SLC1A4: variants seen among roughly 807,000 people sequenced by gnomAD.
SLC1A4 encodes neutral amino acid transporter A.
Under a neutral mutation model 37.7 loss-of-function variants are expected in SLC1A4, and 19 were observed. The observed-to-expected ratio is 0.50, with a 90% CI of 0.35 to 0.74. The LOEUF (loss-of-function observed/expected upper bound fraction) is 0.74, where lower values mean the gene tolerates loss of function less well. Ranked by LOEUF, SLC1A4 falls within the 30% of genes least tolerant of loss-of-function variation. The pLI is 0.01. For missense variants in SLC1A4, 570 were observed against 712.9 expected, an observed-to-expected ratio of 0.80 and a Z score of 2.28; for synonymous variants, 299 against 309.8, an observed-to-expected ratio of 0.97 and a Z score of 0.37.
At chr2:64,991,593 T>TTTTTG (rs1553370740) in intron 1 of SLC1A4, among the ~76,000 whole-genome samples, 22,135 of 143,396 alleles carry the variant, frequency 0.15, 2,070 homozygotes, top group African/African-American at 0.27. Flanking sequence ...ACACCCAGCT[T>TTTTTG]TTTGTTTGTT....
chr2:65,015,581 G>A (rs182581903), intron 4 of SLC1A4, among the ~76,000 whole-genome samples: 62 of 152,092 alleles, frequency 4.1e-4, no homozygotes, highest in African/African-American at 1.4e-3. Context: ...TATTACTATC[G>A]GGTTTTTAAT....
chr2:65,021,466 T>C lies in SLC1A4; in HGVS notation c.*320T>C, dbSNP rs1430217316. 3.0e-6 allele frequency: 1 copy of C among 331,686 alleles called. No individual in the cohort carries two copies. The highest frequency in any genetic ancestry group is 4.5e-5 in the Admixed American group (1 of 22,234). 20.5% of individuals were successfully genotyped at this position (331,686 alleles called of 1,614,324 possible). A position where few individuals can be genotyped will look rare whatever the true frequency, so the allele number is the denominator to read the frequency against. The stretch of plus-strand genomic sequence containing the variant: ...CATGGACTCACAGGGTCCTGTGTGG[T>C]TACATCTTGGAAAAAATGCAGATGT... On this transcript the variant is annotated 3_prime_UTR_variant, in exon 8 of 8. Coordinates refer to ENST00000234256, the MANE Select transcript of SLC1A4 (RefSeq NM_003038.5).
At chr2:64,993,425 T>C (rs562973790) in intron 1 of SLC1A4, among the ~76,000 whole-genome samples, 1 of 152,316 alleles carries the variant, frequency 6.6e-6, no homozygotes, top group South Asian at 2.1e-4. Context: ...CAGCACACAA[T>C]GGGTTAGAAA....
rs573616613 is a variant in SLC1A4 at position 64,997,792 on chromosome 2, A to G, written c.528-3656A>G. 2.0e-5 allele frequency among the ~76,000 whole-genome samples: 3 copies of G among 152,092 alleles called. No individual in the cohort carries two copies. The East Asian group carries it at 5.8e-4, about 29-fold the overall frequency. On this transcript the variant is annotated intron_variant, in intron 1 of 7. Coordinates refer to ENST00000234256, the MANE Select transcript of SLC1A4 (RefSeq NM_003038.5). ...TTCCTTTTTGCAGGCATATATTTTT[A>G]TATTTCTTGGGTAAATATCTAGGAG...
chr2:65,018,753 G>A lies in SLC1A4; in HGVS notation c.1364+74G>A. 1.3e-6 allele frequency: 2 copies of A among 1,536,460 alleles called. No individual in the cohort carries two copies. The highest frequency in any genetic ancestry group is 1.8e-6 in the Non-Finnish European group (2 of 1,127,170). On this transcript the variant is annotated intron_variant, in intron 7 of 7. Coordinates refer to ENST00000234256, the MANE Select transcript of SLC1A4 (RefSeq NM_003038.5). This position sits in a 1 kb window ranked among gnomAD's most constrained non-coding sequence, Gnocchi z 4.3. Reference sequence around the variant, plus strand: ...CTAGGAGCTTAGCACTGCTGGGCCTGGGCCATGCAGAGAAACTTCAGACAC... The same window carrying A: ...CTAGGAGCTTAGCACTGCTGGGCCTAGGCCATGCAGAGAAACTTCAGACAC...
intron 4 of SLC1A4, among the ~76,000 whole-genome samples, chr2:65,015,069 C>T (rs769822560): frequency 5.6e-4 from 86 of 152,222 alleles, no homozygotes; most frequent in Non-Finnish European, 1.9e-4. Flanking sequence ...AGTGGAATAA[C>T]CTAGACACAA....
intron 1 of SLC1A4, among the ~76,000 whole-genome samples, chr2:64,994,083 G>A (rs1417281816): frequency 6.6e-6 from 1 of 152,236 alleles, no homozygotes; most frequent in Non-Finnish European, 1.5e-5. Flanking sequence ...GCATCTGGAG[G>A]AGAAGTGAAC....
At chr2:65,009,655 C>CA (rs200635554) in intron 3 of SLC1A4, among the ~76,000 whole-genome samples, 1,644 of 152,350 alleles carry the variant, frequency 0.011, 30 homozygotes, top group African/African-American at 0.037. Flanking sequence ...TAGGGAACAC[C>CA]AACGATTATT....
At chr2:64,990,243 A>G in intron 1 of SLC1A4, 73 bp downstream of exon 1, 1 of 1,319,226 alleles carries the variant, frequency 7.6e-7, no homozygotes, top group South Asian at 1.5e-5. Flanking sequence ...TCATACACCC[A>G]TATGCTTATA....
chr2:65,016,310 C>T lies in SLC1A4; in HGVS notation c.801-130C>T, dbSNP rs1674129723. On this transcript the variant is annotated intron_variant, in intron 4 of 7. Transcript: ENST00000234256. ...TGGTATAACCCTGACTGTTTCGGTTCCTCGGGGTTATCCTAGGGAGAGATG... is the reference window on the plus strand; with the variant it reads ...TGGTATAACCCTGACTGTTTCGGTTTCTCGGGGTTATCCTAGGGAGAGATG... The T allele has an allele frequency of 9.5e-6, 7 of 735,726 alleles. 1 individual carries two copies. The highest frequency in any genetic ancestry group is 8.3e-5 in the South Asian group (5 of 60,328). The allele number at this position is 735,726 out of a possible 1,614,324, so 45.6% of individuals were successfully genotyped here.
At chr2:64,991,662 G>A (rs950563177) in intron 1 of SLC1A4, among the ~76,000 whole-genome samples, 6 of 151,978 alleles carry the variant, frequency 3.9e-5, no homozygotes, top group Admixed American at 2.0e-4. Context: ...AGTGCAGTGT[G>A]CGATCTCGGC....
intron 1 of SLC1A4, among the ~76,000 whole-genome samples, chr2:64,998,500 AAC>A (rs1269817640): frequency 6.6e-6 from 1 of 152,110 alleles, no homozygotes; most frequent in African/African-American, 2.4e-5. Flanking sequence ...AAACTGTCAA[AAC>A]ACATCACATT....
In SLC1A4 at chr2:65,021,236, C is replaced by A; in HGVS notation, c.*90C>A. The stretch of plus-strand genomic sequence containing the variant: ...CATGGACACAGGGCACTGCCCTTGC[C>A]AACTTTTACCCTCCCAAGCAATGCT... On this transcript the variant is annotated 3_prime_UTR_variant, in exon 8 of 8. Coordinates refer to ENST00000234256, the MANE Select transcript of SLC1A4 (RefSeq NM_003038.5). 2 of 1,007,768 alleles carry A rather than the reference C, an allele frequency of 2.0e-6. No homozygotes were observed. Among genetic ancestry groups the A allele is most frequent in the East Asian group, 2.5e-5 (1 of 39,762 alleles). 62.4% of individuals were successfully genotyped at this position (1,007,768 alleles called of 1,614,324 possible).
intron 5 of SLC1A4, among the ~76,000 whole-genome samples, chr2:65,017,751 GA>G (rs1674213358): frequency 6.6e-6 from 1 of 152,202 alleles, no homozygotes; most frequent in African/African-American, 2.4e-5. Context: ...CACATGTAGA[GA>G]AACTAGTTGT....
chr2:65,009,337 C>T (rs1470039814), intron 3 of SLC1A4, among the ~76,000 whole-genome samples: 3 of 150,774 alleles, frequency 2.0e-5, no homozygotes, highest in African/African-American at 7.3e-5. Context: ...CACCCCATTG[C>T]ACTCCAGCCT....
intron 1 of SLC1A4, among the ~76,000 whole-genome samples, chr2:64,994,141 GA>G (rs1458593974): frequency 7.2e-5 from 11 of 152,230 alleles, no homozygotes; most frequent in Non-Finnish European, 8.8e-5. Flanking sequence ...TCACACTATG[GA>G]AAATTTGGAA....
chr2:65,017,459 A>G (rs1674193025), intron 5 of SLC1A4, among the ~76,000 whole-genome samples: 1 of 151,910 alleles, frequency 6.6e-6, no homozygotes, highest in Admixed American at 6.6e-5. Context: ...CTTCCTCCCA[A>G]TCTGGATGGC....
At chr2:65,002,339 C>T (rs1470271552) in intron 2 of SLC1A4, among the ~76,000 whole-genome samples, 2 of 122,250 alleles carry the variant, frequency 1.6e-5, no homozygotes, top group African/African-American at 3.1e-5. Flanking sequence ...AGTATGGACA[C>T]ACACTACACA....
intron 3 of SLC1A4, among the ~76,000 whole-genome samples, chr2:65,005,753 G>A (rs544708441): frequency 3.3e-5 from 5 of 152,208 alleles, no homozygotes; most frequent in Admixed American, 6.5e-5. Flanking sequence ...AAGCACTTTG[G>A]GAGGCCAAGA....
Sources: gnomAD v4.1 joint callset for allele counts (sites outside exome capture counted in the v4.1 genomes callset) on GRCh38, gnomAD v4.1.1 for gene constraint, Gnocchi (gnomAD v3.1) non-coding constraint, MANE v1.5 for transcripts, NCBI Gene and HGNC (gene_info 2026-07-23, HGNC 2026-07-21) for gene names.